Variants in CAP2 observed in about 807,000 individuals in gnomAD.
The protein encoded by CAP2 is adenylyl cyclase-associated protein 2.
CAP2 carries 24 observed loss-of-function variants against 57.7 expected under a neutral mutation model. The observed-to-expected ratio is 0.42, with a 90% CI of 0.30 to 0.58. The LOEUF is 0.58. CAP2 is among the 20% of genes least tolerant of loss of function. The pLI is 0.22. For missense variants in CAP2, 501 were observed against 590.3 expected (o/e 0.85, Z 1.57); for synonymous variants, 194 against 207.2 (o/e 0.94, Z 0.55).
chr6:17,467,784 A>G (rs1332326352), intron 4 of CAP2, among the ~76,000 whole-genome samples: 1 of 152,084 alleles, frequency 6.6e-6, no homozygotes, highest in Non-Finnish European at 1.5e-5. Context: ...CGGCCTCCCA[A>G]AGTGCTGGAA....
intron 1 of CAP2, among the ~76,000 whole-genome samples, chr6:17,409,507 C>T (rs1003246237): frequency 2.0e-5 from 3 of 152,088 alleles, no homozygotes. Flanking sequence ...GTGCTGTGGA[C>T]CATTCAGAGG....
At chr6:17,424,767 T>G (rs1206166790) in intron 2 of CAP2, among the ~76,000 whole-genome samples, 1 of 152,186 alleles carries the variant, frequency 6.6e-6, no homozygotes, top group Non-Finnish European at 1.5e-5. Context: ...TGAACAGAGT[T>G]GAACGATGAA....
chr6:17,467,109 A>G (rs1306815231), intron 4 of CAP2, among the ~76,000 whole-genome samples: 3 of 151,966 alleles, frequency 2.0e-5, no homozygotes, highest in Non-Finnish European at 4.4e-5. Flanking sequence ...GCAAGTGACC[A>G]CTCTTGCTGC....
At chr6:17,505,310 TAA>T (rs1005070616) in intron 4 of CAP2, among the ~76,000 whole-genome samples, 2 of 152,058 alleles carry the variant, frequency 1.3e-5, no homozygotes, top group African/African-American at 2.4e-5. Context: ...GAAGGAGAGG[TAA>T]AGTCTAAAAG....
chr6:17,498,247 CA>C (rs939792318), intron 4 of CAP2, among the ~76,000 whole-genome samples: 2 of 151,956 alleles, frequency 1.3e-5, no homozygotes, highest in African/African-American at 4.8e-5. Flanking sequence ...TGGGAAGTGA[CA>C]AAAAAACGTG....
Position 17,551,559 on chromosome 6 carries a change from C to G in CAP2, c.1305C>G (p.Ala435=). The change falls in exon 12 of 13, where the codon GCC becomes GCG. Residue 435 remains alanine (A), a synonymous_variant. Transcript: ENST00000229922. ...CATTAGACTGTGAGATCGTGAGCGC[C>G]AAGTCATCTGAAATGAACATACTTA... ...EDALDCEIVS[A]KSSEMNILIP... is the part of the protein sequence containing the mutation. 2 of 1,611,784 alleles carry G rather than the reference C, an allele frequency of 1.2e-6. No individual in the cohort carries two copies.
chr6:17,433,502 T>C (rs1260308254), intron 3 of CAP2, among the ~76,000 whole-genome samples: 1 of 152,160 alleles, frequency 6.6e-6, no homozygotes, highest in Non-Finnish European at 1.5e-5. Flanking sequence ...AGGATAGGTC[T>C]CCATGACCAG....
chr6:17,553,010 A>C (rs1268790557), intron 12 of CAP2, among the ~76,000 whole-genome samples: 1 of 152,230 alleles, frequency 6.6e-6, no homozygotes, highest in Non-Finnish European at 1.5e-5. Context: ...GAGATACAGA[A>C]GAGTCCTCTC....
chr6:17,426,111 C>A (rs1759582761), intron 2 of CAP2, among the ~76,000 whole-genome samples: 1 of 151,526 alleles, frequency 6.6e-6, no homozygotes, highest in South Asian at 2.1e-4. Context: ...AACAAACAAA[C>A]AAACAAAAAA....
At chr6:17,480,546 C>G (rs1761262077) in intron 4 of CAP2, among the ~76,000 whole-genome samples, 1 of 152,118 alleles carries the variant, frequency 6.6e-6, no homozygotes, top group Admixed American at 6.5e-5. Flanking sequence ...GGTAGCAGTC[C>G]TGAACACTGC....
intron 6 of CAP2, among the ~76,000 whole-genome samples, chr6:17,512,188 G>A (rs1432481117): frequency 1.8e-4 from 27 of 151,990 alleles, no homozygotes; most frequent in Admixed American, 1.3e-4. Context: ...CCAGGAGTTC[G>A]AGACCAGCCT....
chr6:17,454,909 G>T (rs987988271), intron 3 of CAP2, among the ~76,000 whole-genome samples: 5 of 152,038 alleles, frequency 3.3e-5, no homozygotes, highest in African/African-American at 1.2e-4. Context: ...ATTTTTTCTA[G>T]ACATTCATCC....
At chr6:17,555,740 T>G (rs1015249635) in intron 12 of CAP2, among the ~76,000 whole-genome samples, 1 of 150,922 alleles carries the variant, frequency 6.6e-6, no homozygotes, top group African/African-American at 2.4e-5. Flanking sequence ...ATTTTTTGTA[T>G]TTTTTTAGTA....
At chr6:17,461,479 G>A (rs1285472545) in intron 3 of CAP2, among the ~76,000 whole-genome samples, 1 of 151,676 alleles carries the variant, frequency 6.6e-6, no homozygotes, top group African/African-American at 2.4e-5. Context: ...CACCCACTTT[G>A]GCCTCCCAAA....
chr6:17,461,196 A>G (rs940883213), intron 3 of CAP2, among the ~76,000 whole-genome samples: 6 of 149,268 alleles, frequency 4.0e-5, no homozygotes, highest in Non-Finnish European at 7.4e-5. Context: ...AACAAAAAAA[A>G]AAACCCTGTA....
At chr6:17,527,510 A>G (rs1280970163) in intron 7 of CAP2, among the ~76,000 whole-genome samples, 6 of 152,164 alleles carry the variant, frequency 3.9e-5, no homozygotes, top group Non-Finnish European at 8.8e-5. Flanking sequence ...TTATGGCCAC[A>G]TATCAAGGCA....
At chr6:17,533,960 CTCATT>C (rs1278043814) in intron 7 of CAP2, among the ~76,000 whole-genome samples, 11 of 152,284 alleles carry the variant, frequency 7.2e-5, no homozygotes, top group Non-Finnish European at 1.2e-4. Context: ...ACTTAAGTGA[CTCATT>C]TCATCAACGT....
At position 17,495,516 on chromosome 6, in the gene CAP2, A is replaced by G. The variant is rs1581568139; in HGVS notation, c.301-11653A>G. Among the ~76,000 whole-genome samples the G allele has an allele frequency of 2.0e-5, 3 of 152,060 alleles. No individual in the cohort carries two copies. In the South Asian group the frequency reaches 6.2e-4, roughly 32 times the overall value. On this transcript the variant is annotated intron_variant, in intron 4 of 12. Coordinates refer to ENST00000229922, the MANE Select transcript of CAP2 (RefSeq NM_006366.3). ...CACGTTTCATGCTGGATTTATACAC[A>G]CCGTTAGCCACACTTTCCCTTTGGG...
chr6:17,429,505 A>G lies in CAP2; in HGVS notation c.222+2815A>G, dbSNP rs73721533. Among the ~76,000 whole-genome samples, 654 of 152,318 alleles carry G rather than the reference A, an allele frequency of 4.3e-3. 6 individuals are homozygous for G. Among genetic ancestry groups the G allele is most frequent in the African/African-American group, 0.015 (626 of 41,572 alleles). ...TATGCTGTCTTCAAATTGCACAGTA[A>G]ACAGTCCCTTTAAGTTCTTTTTAGA... On this transcript the variant is annotated intron_variant, in intron 3 of 12. Coordinates refer to ENST00000229922, the MANE Select transcript of CAP2 (RefSeq NM_006366.3).
Sources: gnomAD v4.1 joint callset for allele counts (sites outside exome capture counted in the v4.1 genomes callset) on GRCh38, gnomAD v4.1.1 for gene constraint, MANE v1.5 for transcripts, NCBI Gene and HGNC (gene_info 2026-07-23, HGNC 2026-07-21) for gene names.